The following RPS6KC1 variants were observed in gnomAD, a reference collection of about 807,000 sequenced individuals.
RPS6KC1 encodes the protein ribosomal protein S6 kinase C1.
A neutral mutation model predicts 103.8 loss-of-function variants in RPS6KC1; 54 were observed. That is an observed-to-expected ratio of 0.52 (90% confidence interval 0.42 to 0.65). The LOEUF (loss-of-function observed/expected upper bound fraction) is 0.65. Ranked by LOEUF, RPS6KC1 falls within the 30% of genes least tolerant of loss-of-function variation. RPS6KC1 has a pLI of 0.00. For synonymous variants in RPS6KC1, 439 were observed against 438.7 expected (o/e 1.00, Z -0.01); for missense variants, 1,151 against 1,253.8 (o/e 0.92, Z 1.24).
At chr1:213,811,611 T>G in the RPS6KC1 span, among the ~76,000 whole-genome samples, 50 of 152,078 alleles carry the variant, frequency 3.3e-4, no homozygotes, top group Non-Finnish European at 5.6e-4. Flanking sequence ...CATGAAGGAG[T>G]TGGCTTCTGA....
At chr1:213,764,244 CA>C in the RPS6KC1 span, among the ~76,000 whole-genome samples, 1 of 152,164 alleles carries the variant, frequency 6.6e-6, no homozygotes, top group African/African-American at 2.4e-5. Context: ...TTTGGCGGAT[CA>C]GGGGAAAGGG....
At chr1:213,640,469 A>G in the RPS6KC1 span, among the ~76,000 whole-genome samples, 2 of 148,086 alleles carry the variant, frequency 1.4e-5, no homozygotes, top group South Asian at 2.1e-4. Context: ...TTTTTTTGCT[A>G]GTTTCCTCAA....
At chr1:213,510,745 A>G in the RPS6KC1 span, among the ~76,000 whole-genome samples, 1 of 152,144 alleles carries the variant, frequency 6.6e-6, no homozygotes, top group Non-Finnish European at 1.5e-5. Flanking sequence ...GCAGTTTGTC[A>G]TGTCCAATTC....
chr1:213,515,835 C>T, the RPS6KC1 span, among the ~76,000 whole-genome samples: 34 of 152,196 alleles, frequency 2.2e-4, 1 homozygote, highest in Middle Eastern at 3.4e-3. Flanking sequence ...TGGCCATTTT[C>T]GCGATATTGA....
chr1:213,674,389 G>A, the RPS6KC1 span, among the ~76,000 whole-genome samples: 4 of 152,162 alleles, frequency 2.6e-5, no homozygotes, highest in Non-Finnish European at 4.4e-5. Flanking sequence ...ATAGTGTTTG[G>A]TGTTCTGTTC....
intron 14 of RPS6KC1, among the ~76,000 whole-genome samples, chr1:213,270,541 C>T (rs963863205): frequency 1.5e-4 from 23 of 152,000 alleles, no homozygotes; most frequent in African/African-American, 5.6e-4. Context: ...TTTGGGAGGC[C>T]ATGGTAGGAG....
At chr1:213,520,798 A>C in the RPS6KC1 span, among the ~76,000 whole-genome samples, 1 of 152,224 alleles carries the variant, frequency 6.6e-6, no homozygotes, top group African/African-American at 2.4e-5. Flanking sequence ...TTTCAAAAAG[A>C]AGGGTGTGTG....
chr1:213,711,518 A>G, the RPS6KC1 span, among the ~76,000 whole-genome samples: 5 of 152,148 alleles, frequency 3.3e-5, no homozygotes, highest in African/African-American at 9.7e-5. Context: ...CTGTCAATTC[A>G]TTAAACTGAT....
At chr1:213,152,452 T>G (rs1359873917) in intron 6 of RPS6KC1, among the ~76,000 whole-genome samples, 3 of 128,484 alleles carry the variant, frequency 2.3e-5, no homozygotes, top group Admixed American at 7.6e-5. Flanking sequence ...ACGGGGCGGC[T>G]GCCGGGCGGA....
the RPS6KC1 span, among the ~76,000 whole-genome samples, chr1:213,809,087 A>G: frequency 6.6e-6 from 1 of 152,134 alleles, no homozygotes; most frequent in East Asian, 1.9e-4. Context: ...CCCTCACTAA[A>G]CTTTATTATT....
intron 3 of RPS6KC1, among the ~76,000 whole-genome samples, chr1:213,096,828 A>G (rs961031165): frequency 3.9e-5 from 6 of 152,184 alleles, no homozygotes; most frequent in Non-Finnish European, 7.3e-5. Flanking sequence ...TTCTTAAATA[A>G]ATAATAAATA....
chr1:213,266,131 A>G (rs1367933320), intron 14 of RPS6KC1, among the ~76,000 whole-genome samples: 3 of 152,224 alleles, frequency 2.0e-5, no homozygotes, highest in African/African-American at 4.8e-5. Context: ...ATGACACAGT[A>G]ATTTGCAATT....
the RPS6KC1 span, among the ~76,000 whole-genome samples, chr1:213,395,579 C>T: frequency 6.6e-6 from 1 of 152,106 alleles, no homozygotes; most frequent in Non-Finnish European, 1.5e-5. Context: ...TTTCTGCTAA[C>T]TGTCTAACAA....
At chr1:213,703,414 A>AT in the RPS6KC1 span, among the ~76,000 whole-genome samples, 1 of 152,002 alleles carries the variant, frequency 6.6e-6, no homozygotes, top group South Asian at 2.1e-4. Flanking sequence ...ATAACATTCT[A>AT]TTTTTTCTGT....
chr1:213,059,827 C>T (rs559306226), intron 1 of RPS6KC1, among the ~76,000 whole-genome samples: 11 of 152,168 alleles, frequency 7.2e-5, no homozygotes, highest in Non-Finnish European at 8.8e-5. Flanking sequence ...CACCCGCCAC[C>T]GTGCCCAGCT....
chr1:213,334,336 A>G, the RPS6KC1 span, among the ~76,000 whole-genome samples: 1 of 152,120 alleles, frequency 6.6e-6, no homozygotes, highest in Admixed American at 6.5e-5. Flanking sequence ...CTCATATATT[A>G]TTCTTAAATA....
chr1:213,313,814 G>A, the RPS6KC1 span, among the ~76,000 whole-genome samples: 2 of 152,150 alleles, frequency 1.3e-5, no homozygotes, highest in African/African-American at 4.8e-5. Context: ...TTAGCCGGGT[G>A]TGGTGGCGGG....
the RPS6KC1 span, among the ~76,000 whole-genome samples, chr1:213,463,554 C>G: frequency 6.6e-6 from 1 of 152,110 alleles, no homozygotes; most frequent in Admixed American, 6.5e-5. Flanking sequence ...CAGGATCTAT[C>G]TACTTTAGCT....
the RPS6KC1 span, among the ~76,000 whole-genome samples, chr1:213,598,149 A>G: frequency 1.3e-5 from 2 of 152,216 alleles, no homozygotes; most frequent in East Asian, 3.8e-4. Flanking sequence ...GTGAGAAAGC[A>G]TATCTTTGTC....
Sources: allele counts gnomAD v4.1 joint callset (sites outside exome capture counted in the v4.1 genomes callset), GRCh38; gene constraint gnomAD v4.1.1; transcripts MANE v1.5; gene names NCBI Gene and HGNC (gene_info 2026-07-23, HGNC 2026-07-21).